The following SYNDIG1 variants were observed in gnomAD, a reference collection of about 807,000 sequenced individuals.
The protein encoded by SYNDIG1 is synapse differentiation inducing 1.
A neutral mutation model predicts 19.4 loss-of-function variants in SYNDIG1; 9 were observed. That is an observed-to-expected ratio of 0.46 (90% CI 0.28 to 0.81). SYNDIG1 has a LOEUF of 0.81. SYNDIG1 is among the 30% of genes least tolerant of loss of function. SYNDIG1 has a pLI of 0.12. For synonymous variants in SYNDIG1, 141 were observed against 145.9 expected (o/e 0.97, Z 0.24); for missense variants, 311 against 343.3 (o/e 0.91, Z 0.74).
chr20:24,564,530 G>A lies in SYNDIG1; in HGVS notation c.481-20326G>A, dbSNP rs562306332. Among the ~76,000 whole-genome samples the A allele has an allele frequency of 2.6e-5, 4 of 152,228 alleles. No individual in the cohort carries two copies. The South Asian group carries it at 8.3e-4, about 32-fold the overall frequency. On this transcript the variant is annotated intron_variant, in intron 2 of 3. Coordinates refer to ENST00000376862, the MANE Select transcript of SYNDIG1 (RefSeq NM_024893.3). ...AGGCTGTAGTGATTCTCAGTGTGCTGTACTGTTAAAAGGTAGATCTCCAAA... is the reference window on the plus strand; with the variant it reads ...AGGCTGTAGTGATTCTCAGTGTGCTATACTGTTAAAAGGTAGATCTCCAAA...
At chr20:24,497,952 T>TACACTGGAATCTCAAC (rs2056342736) in intron 1 of SYNDIG1, among the ~76,000 whole-genome samples, 1 of 152,220 alleles carries the variant, frequency 6.6e-6, no homozygotes, top group Non-Finnish European at 1.5e-5. Flanking sequence ...CCCATGATCT[T>TACACTGGAATCTCAAC]ACACTGGAAT....
intron 2 of SYNDIG1, among the ~76,000 whole-genome samples, chr20:24,547,142 C>G (rs1168060417): frequency 1.3e-5 from 2 of 152,086 alleles, no homozygotes; most frequent in Admixed American, 1.3e-4. Flanking sequence ...CCCTCATTGC[C>G]CTGGTTCAGA....
intron 3 of SYNDIG1, among the ~76,000 whole-genome samples, chr20:24,628,122 G>T (rs1054220255): frequency 6.6e-6 from 1 of 152,212 alleles, no homozygotes; most frequent in East Asian, 1.9e-4. Flanking sequence ...GCTCTCCGGG[G>T]CATCCCCTGC....
chr20:24,497,177 T>C (rs1332239757), intron 1 of SYNDIG1, among the ~76,000 whole-genome samples: 2 of 151,202 alleles, frequency 1.3e-5, no homozygotes, highest in African/African-American at 4.8e-5. Context: ...TTTTCTTTTG[T>C]TTGTTTGTTT....
At chr20:24,647,778 C>CAA in intron 3 of SYNDIG1, among the ~76,000 whole-genome samples, 1 of 150,196 alleles carries the variant, frequency 6.7e-6, no homozygotes, top group South Asian at 2.2e-4. Context: ...TAGATACACG[C>CAA]AAGGGAGTAT....
At chr20:24,619,062 G>A (rs6049817) in intron 3 of SYNDIG1, among the ~76,000 whole-genome samples, 3 of 152,176 alleles carry the variant, frequency 2.0e-5, no homozygotes, top group Non-Finnish European at 4.4e-5. Flanking sequence ...TTGCAGGGCA[G>A]GAGTGTTGAA....
intron 1 of SYNDIG1, among the ~76,000 whole-genome samples, chr20:24,499,708 C>T (rs1454713246): frequency 6.6e-6 from 1 of 152,202 alleles, no homozygotes; most frequent in Admixed American, 6.5e-5. Context: ...TCTCCATGCC[C>T]TGCCCGGGTA....
chr20:24,626,563 CCGGG>C (rs1344112562), intron 3 of SYNDIG1, among the ~76,000 whole-genome samples: 1 of 151,554 alleles, frequency 6.6e-6, no homozygotes, highest in African/African-American at 2.4e-5. Flanking sequence ...GGGATGGCGG[CCGGG>C]CAGAGACGCT....
intron 1 of SYNDIG1, among the ~76,000 whole-genome samples, chr20:24,489,031 C>T (rs976454644): frequency 6.6e-6 from 1 of 152,180 alleles, no homozygotes; most frequent in African/African-American, 2.4e-5. Flanking sequence ...AGTCTAAGCT[C>T]CTGTGGAGGC....
chr20:24,543,460 C>T lies in SYNDIG1; in HGVS notation c.363C>T (p.Pro121=). The T allele has an allele frequency of 6.2e-7, 1 of 1,613,600 alleles. No individual in the cohort carries two copies. The highest frequency in any genetic ancestry group is 1.3e-5 in the African/African-American group (1 of 75,038). Residue 121 remains proline (P), a synonymous_variant, in exon 2 of 4, where the codon CCC becomes CCT. Transcript: ENST00000376862. Reference sequence around the variant, plus strand: ...CCACCTTCATCGAGGACCGGTCGCCCACCAAAGACAGCCTCGAGTACCCGG... The same window carrying T: ...CCACCTTCATCGAGGACCGGTCGCCTACCAAAGACAGCCTCGAGTACCCGG... ...CETTFIEDRS[P]TKDSLEYPDG... is the part of the protein sequence containing the mutation.
chr20:24,514,503 C>T (rs2146489420), intron 1 of SYNDIG1, among the ~76,000 whole-genome samples: 1 of 152,128 alleles, frequency 6.6e-6, no homozygotes, highest in African/African-American at 2.4e-5. Flanking sequence ...GACTTTAAAC[C>T]AATGAAAATC....
intron 3 of SYNDIG1, among the ~76,000 whole-genome samples, chr20:24,607,794 C>T (rs1297042855): frequency 1.3e-5 from 2 of 152,280 alleles, no homozygotes; most frequent in African/African-American, 2.4e-5. Flanking sequence ...CTCCATTTGA[C>T]GAAAACCTAA....
At chr20:24,495,484 A>G (rs550436249) in intron 1 of SYNDIG1, 1 of 152,396 alleles carries the variant, frequency 6.6e-6, no homozygotes, top group Admixed American at 6.5e-5. Context: ...AATGGCAGCG[A>G]GTCTGGGAAT....
At chr20:24,564,603 AATC>A (rs2058006609) in intron 2 of SYNDIG1, among the ~76,000 whole-genome samples, 1 of 152,206 alleles carries the variant, frequency 6.6e-6, no homozygotes, top group Non-Finnish European at 1.5e-5. Flanking sequence ...TGGCTGTTAA[AATC>A]ATTAGAAGGG....
intron 1 of SYNDIG1, among the ~76,000 whole-genome samples, chr20:24,494,431 C>T (rs1045485551): frequency 2.0e-5 from 3 of 152,160 alleles, no homozygotes; most frequent in East Asian, 1.9e-4. Flanking sequence ...TGGGGCGTGA[C>T]GAGCTCGAGA....
intron 2 of SYNDIG1, among the ~76,000 whole-genome samples, chr20:24,544,382 G>A (rs572196971): frequency 2.6e-5 from 4 of 152,288 alleles, no homozygotes; most frequent in South Asian, 2.1e-4. Context: ...AGGGAAACAC[G>A]TGCCAGGCTT....
intron 3 of SYNDIG1, among the ~76,000 whole-genome samples, chr20:24,631,416 C>T (rs566963067): frequency 6.6e-5 from 10 of 152,334 alleles, no homozygotes; most frequent in African/African-American, 2.4e-4. Flanking sequence ...TCCCCACCTG[C>T]GGGCGCGACG....
At chr20:24,508,901 A>C (rs1437336006) in intron 1 of SYNDIG1, among the ~76,000 whole-genome samples, 1 of 152,224 alleles carries the variant, frequency 6.6e-6, no homozygotes, top group Admixed American at 6.5e-5. Context: ...TGTTACTACC[A>C]GGTCAACAAG....
At chr20:24,583,742 T>A (rs2058367871) in intron 2 of SYNDIG1, among the ~76,000 whole-genome samples, 1 of 152,144 alleles carries the variant, frequency 6.6e-6, no homozygotes, top group South Asian at 2.1e-4. Context: ...TAGGTCAGCA[T>A]TGGAATCATC....
Sources: gnomAD v4.1 joint callset for allele counts (sites outside exome capture counted in the v4.1 genomes callset) on GRCh38, gnomAD v4.1.1 for gene constraint, MANE v1.5 for transcripts, NCBI Gene and HGNC (gene_info 2026-07-23, HGNC 2026-07-21) for gene names.